BANK1: variants seen among roughly 807,000 people sequenced by gnomAD.
BANK1 encodes B cell scaffold protein with ankyrin repeats 1.
BANK1 carries 95 observed loss-of-function variants against 94.5 expected under a neutral mutation model. The observed-to-expected ratio is 1.00, with a 90% CI of 0.85 to 1.19. The LOEUF is 1.19. BANK1 is among the 50% of genes most tolerant of loss of function. The pLI is 0.00. For synonymous variants in BANK1, 334 were observed against 308.4 expected, an observed-to-expected ratio of 1.08 and a Z score of -0.87; for missense variants, 987 against 932.2, an observed-to-expected ratio of 1.06 and a Z score of -0.77.
chr4:101,856,272 G>A (rs1248636661), intron 3 of BANK1, among the ~76,000 whole-genome samples: 3 of 151,884 alleles, frequency 2.0e-5, no homozygotes, highest in African/African-American at 7.3e-5. Context: ...AGTTCCAGAG[G>A]AACAAAAAAA....
At chr4:102,000,264 A>G (rs561786712) in intron 7 of BANK1, among the ~76,000 whole-genome samples, 1 of 116,264 alleles carries the variant, frequency 8.6e-6, no homozygotes, top group African/African-American at 2.7e-5. Flanking sequence ...TGGAAGTTGC[A>G]GTGAGCCAAG....
intron 7 of BANK1, among the ~76,000 whole-genome samples, chr4:101,934,294 G>T (rs1723455536): frequency 6.6e-6 from 1 of 151,254 alleles, no homozygotes; most frequent in Admixed American, 6.6e-5. Flanking sequence ...TTTGAAATGA[G>T]CCTCTCAATA....
At chr4:101,944,055 A>G (rs1723845274) in intron 7 of BANK1, among the ~76,000 whole-genome samples, 1 of 151,434 alleles carries the variant, frequency 6.6e-6, no homozygotes, top group Non-Finnish European at 1.5e-5. Flanking sequence ...AGAGAGAGAG[A>G]GAGAGAGAGA....
At chr4:101,958,163 C>T (rs757141817) in intron 7 of BANK1, among the ~76,000 whole-genome samples, 3 of 151,946 alleles carry the variant, frequency 2.0e-5, no homozygotes, top group Admixed American at 6.6e-5. Flanking sequence ...GTTATTTAGG[C>T]GTCAATGTTT....
At chr4:101,792,183 G>A (rs1725008878) in intron 1 of BANK1, among the ~76,000 whole-genome samples, 1 of 151,832 alleles carries the variant, frequency 6.6e-6, no homozygotes, top group Non-Finnish European at 1.5e-5. Context: ...TTGCTATTGT[G>A]AATAATGCAA....
intron 1 of BANK1, among the ~76,000 whole-genome samples, chr4:101,828,619 C>T (rs1374984401): frequency 1.3e-5 from 2 of 151,922 alleles, no homozygotes; most frequent in South Asian, 2.1e-4. Context: ...TTCGATTCAT[C>T]CATGTTGCAT....
intron 7 of BANK1, among the ~76,000 whole-genome samples, chr4:101,919,195 T>C (rs1001611706): frequency 6.6e-6 from 1 of 151,946 alleles, no homozygotes; most frequent in Non-Finnish European, 1.5e-5. Context: ...CCATTAATAC[T>C]GTTATTTAAT....
intron 7 of BANK1, among the ~76,000 whole-genome samples, chr4:101,931,235 T>A (rs1723329540): frequency 6.6e-6 from 1 of 151,552 alleles, no homozygotes; most frequent in Non-Finnish European, 1.5e-5. Context: ...TGGGTGTTTC[T>A]GTGGGGATAA....
At chr4:102,012,328 T>C (rs1021177821) in intron 7 of BANK1, among the ~76,000 whole-genome samples, 1 of 152,320 alleles carries the variant, frequency 6.6e-6, no homozygotes, top group Admixed American at 6.5e-5. Context: ...TCCCACCATG[T>C]TTTCACTGAA....
intron 7 of BANK1, among the ~76,000 whole-genome samples, chr4:101,994,385 A>G (rs996961718): frequency 1.3e-5 from 2 of 152,184 alleles, no homozygotes; most frequent in African/African-American, 2.4e-5. Context: ...TCACTCATAA[A>G]TGACCCTTTT....
intron 10 of BANK1, among the ~76,000 whole-genome samples, chr4:102,032,947 A>G (rs774431134): frequency 6.6e-6 from 1 of 152,056 alleles, no homozygotes; most frequent in Non-Finnish European, 1.5e-5. Flanking sequence ...TCTACTTTTT[A>G]ACTTATGGAC....
intron 7 of BANK1, among the ~76,000 whole-genome samples, chr4:102,005,322 TA>T (rs1447986993): frequency 7.2e-5 from 11 of 151,948 alleles, no homozygotes; most frequent in Non-Finnish European, 1.5e-4. Context: ...GATAAATGAT[TA>T]AAAAATTATA....
chr4:102,003,617 T>C lies in BANK1; in HGVS notation c.1207-17897T>C, dbSNP rs1428252078. ...CTGTGACCTAGTTGCAGAAGTCATATTGAGGCACTTGTGCCCTTTTTTTAG... is the reference window on the plus strand; with the variant it reads ...CTGTGACCTAGTTGCAGAAGTCATACTGAGGCACTTGTGCCCTTTTTTTAG... On this transcript the variant is annotated intron_variant, in intron 7 of 16. Coordinates refer to ENST00000322953, the MANE Select transcript of BANK1 (RefSeq NM_017935.5). 2.0e-5 allele frequency among the ~76,000 whole-genome samples: 3 copies of C among 152,162 alleles called. No homozygotes were observed. The East Asian group carries it at 5.8e-4, about 29-fold the overall frequency.
chr4:102,050,530 C>A (rs114848708), intron 11 of BANK1, among the ~76,000 whole-genome samples: 4 of 152,258 alleles, frequency 2.6e-5, no homozygotes, highest in Admixed American at 2.6e-4. Flanking sequence ...AACTATGTTT[C>A]AGAGACCACA....
At chr4:101,790,984 C>G in intron 1 of BANK1, 34 bp downstream of exon 1, 2 of 1,455,114 alleles carry the variant, frequency 1.4e-6, no homozygotes, top group East Asian at 2.6e-5. Flanking sequence ...GGCTTGACGC[C>G]GAGGCCGGGC....
chr4:101,936,195 A>ATT (rs377691829), intron 7 of BANK1, among the ~76,000 whole-genome samples: 9 of 149,178 alleles, frequency 6.0e-5, no homozygotes, highest in African/African-American at 1.7e-4. Flanking sequence ...TGATATATAT[A>ATT]TTTTTTATAT....
In BANK1 at chr4:101,918,016, A is replaced by C; in HGVS notation, c.1033A>C (p.Thr345Pro). ...NKYTHFKELP[T>P]LLHCAAKFGL... ...AGATACTCATTTCAAAGAACTTCCA[A>C]CTCTTCTCCACTGTGCAGCAAAATT... The change falls in exon 7 of 17, where the codon ACT becomes CCT. Residue 345 changes from threonine (T) to proline (P), a missense_variant. Transcript: ENST00000322953. 6.2e-7 allele frequency: 1 copy of C among 1,606,832 alleles called. No individual in the cohort carries two copies. Among genetic ancestry groups the C allele is most frequent in the Non-Finnish European group, 8.5e-7 (1 of 1,175,238 alleles).
At chr4:102,064,790 C>G (rs1163649748) in intron 13 of BANK1, among the ~76,000 whole-genome samples, 1 of 152,158 alleles carries the variant, frequency 6.6e-6, no homozygotes, top group Non-Finnish European at 1.5e-5. Flanking sequence ...TGAGGTGGGT[C>G]TCATTATGGC....
chr4:101,889,912 C>T (rs561271281), intron 5 of BANK1, among the ~76,000 whole-genome samples: 1 of 151,926 alleles, frequency 6.6e-6, no homozygotes. Context: ...TCAGAGTTTC[C>T]TTTTGACCCA....
Sources: gnomAD v4.1 joint callset for allele counts (sites outside exome capture counted in the v4.1 genomes callset) on GRCh38, gnomAD v4.1.1 for gene constraint, MANE v1.5 for transcripts, NCBI Gene and HGNC (gene_info 2026-07-23, HGNC 2026-07-21) for gene names.